Variants in CCDC192 observed in about 807,000 individuals in gnomAD.
CCDC192 encodes coiled-coil domain containing 192.
chr5:127,750,401 A>T (rs1400475322), intron 2 of CCDC192, among the ~76,000 whole-genome samples: 1 of 152,144 alleles, frequency 6.6e-6, no homozygotes. Context: ...CAGGTTGTTC[A>T]GTTTCCATGT....
intron 3 of CCDC192, among the ~76,000 whole-genome samples, chr5:127,779,788 G>C (rs1236504232): frequency 1.3e-5 from 2 of 152,024 alleles, no homozygotes; most frequent in East Asian, 3.9e-4. Flanking sequence ...GGTTACATGA[G>C]TAAGTTCTTT....
At chr5:127,928,469 A>G (rs1753925870) in intron 6 of CCDC192, among the ~76,000 whole-genome samples, 1 of 152,126 alleles carries the variant, frequency 6.6e-6, no homozygotes, top group African/African-American at 2.4e-5. Flanking sequence ...CCCTTTTATC[A>G]TCCTTGTGAT....
chr5:127,742,220 A>G (rs1753458670), intron 2 of CCDC192, among the ~76,000 whole-genome samples: 1 of 152,204 alleles, frequency 6.6e-6, no homozygotes, highest in Admixed American at 6.5e-5. Flanking sequence ...GTCAGCCATT[A>G]TTTAAAGTTA....
intron 1 of CCDC192, among the ~76,000 whole-genome samples, chr5:127,706,237 A>G (rs1750950144): frequency 1.3e-5 from 2 of 152,158 alleles, no homozygotes; most frequent in African/African-American, 4.8e-5. Flanking sequence ...TTTAAAAGTA[A>G]GGCTTTATTG....
At chr5:127,835,770 C>A (rs1223463426) in intron 5 of CCDC192, among the ~76,000 whole-genome samples, 1 of 152,118 alleles carries the variant, frequency 6.6e-6, no homozygotes, top group Non-Finnish European at 1.5e-5. Flanking sequence ...CTCACTATCA[C>A]AAGAATAGCA....
chr5:127,763,241 G>C (rs978374233), intron 3 of CCDC192, among the ~76,000 whole-genome samples: 4 of 152,106 alleles, frequency 2.6e-5, no homozygotes, highest in Non-Finnish European at 4.4e-5. Flanking sequence ...CAACTTACCT[G>C]CTTCTTGCCC....
intron 3 of CCDC192, 119 bp downstream of exon 3, chr5:127,754,494 T>G (rs112111046): frequency 3.2e-6 from 1 of 311,388 alleles, no homozygotes; most frequent in East Asian, 4.7e-5. Flanking sequence ...CACACACACA[T>G]ACACACACAC....
chr5:127,892,490 C>T (rs575872853), intron 6 of CCDC192, among the ~76,000 whole-genome samples: 1 of 152,106 alleles, frequency 6.6e-6, no homozygotes, highest in African/African-American at 2.4e-5. Flanking sequence ...ATTCAAAATG[C>T]CTTTAAAAAA....
intron 3 of CCDC192, among the ~76,000 whole-genome samples, chr5:127,763,751 A>C (rs1355430094): frequency 6.6e-6 from 1 of 152,134 alleles, no homozygotes; most frequent in Non-Finnish European, 1.5e-5. Context: ...AATCTAGAAA[A>C]AACAAAGGCC....
At chr5:127,776,168 T>G (rs1755845920) in intron 3 of CCDC192, among the ~76,000 whole-genome samples, 1 of 152,226 alleles carries the variant, frequency 6.6e-6, no homozygotes, top group Non-Finnish European at 1.5e-5. Context: ...AGTTTAGAAC[T>G]TCCTAGAGAC....
intron 6 of CCDC192, among the ~76,000 whole-genome samples, chr5:127,920,927 G>C (rs1455322817): frequency 6.6e-6 from 1 of 151,778 alleles, no homozygotes; most frequent in Non-Finnish European, 1.5e-5. Flanking sequence ...AGGCATGGTG[G>C]TGTGCACCTG....
intron 2 of CCDC192, among the ~76,000 whole-genome samples, chr5:127,722,487 G>A (rs1358383506): frequency 6.6e-6 from 1 of 151,876 alleles, no homozygotes; most frequent in Non-Finnish European, 1.5e-5. Context: ...GTCAATTTTT[G>A]CTTTAGTTCC....
At chr5:127,758,123 C>G in intron 3 of CCDC192, among the ~76,000 whole-genome samples, 1 of 152,132 alleles carries the variant, frequency 6.6e-6, no homozygotes, top group East Asian at 1.9e-4. Flanking sequence ...TTATTCAAGA[C>G]CTTATCTGTT....
intron 5 of CCDC192, among the ~76,000 whole-genome samples, chr5:127,799,612 G>T (rs1289386163): frequency 1.3e-5 from 2 of 152,128 alleles, no homozygotes; most frequent in African/African-American, 4.8e-5. Flanking sequence ...CTAAAGCTCA[G>T]ATATTAGCTT....
intron 3 of CCDC192, among the ~76,000 whole-genome samples, chr5:127,766,902 C>T (rs1048475610): frequency 2.6e-5 from 4 of 152,320 alleles, no homozygotes; most frequent in Middle Eastern, 3.4e-3. Context: ...TAAAATTCAT[C>T]TGGGAACAGT....
chr5:127,783,287 C>T (rs988651843), intron 3 of CCDC192, among the ~76,000 whole-genome samples: 1 of 152,160 alleles, frequency 6.6e-6, no homozygotes, highest in Non-Finnish European at 1.5e-5. Context: ...AGCCACTGCA[C>T]CCAGCATCCC....
chr5:127,898,216 C>G (rs1484709929), intron 6 of CCDC192, among the ~76,000 whole-genome samples: 1 of 151,854 alleles, frequency 6.6e-6, no homozygotes, highest in African/African-American at 2.4e-5. Flanking sequence ...TCAAGTGATT[C>G]TCCTGCCTAG....
rs527989818 is a variant in CCDC192, at chr5:127,753,861, T to A, written c.115-407T>A. 5.9e-5 allele frequency among the ~76,000 whole-genome samples: 9 copies of A among 152,340 alleles called. No individual in the cohort carries two copies. In the South Asian group the frequency reaches 1.9e-3, roughly 32 times the overall value. On this transcript the variant is annotated intron_variant, in intron 2 of 6. Transcript: ENST00000514853. ...AAGATGAGAGGAAACAGGGTTTCTC[T>A]GAGTTCAGTTGACTCTGTTCCTACT...
intron 2 of CCDC192, among the ~76,000 whole-genome samples, chr5:127,735,612 G>T (rs1362740590): frequency 4.3e-5 from 5 of 117,634 alleles, no homozygotes; most frequent in Non-Finnish European, 3.3e-5. Context: ...CTTGAGCAGT[G>T]GTTTGTAGTT....
Sources: gnomAD v4.1 joint callset for allele counts (sites outside exome capture counted in the v4.1 genomes callset) on GRCh38, gnomAD v4.1.1 for gene constraint, MANE v1.5 for transcripts, NCBI Gene and HGNC (gene_info 2026-07-23, HGNC 2026-07-21) for gene names.